Variants in CDC42BPA observed in about 807,000 individuals in gnomAD.
CDC42BPA encodes CDC42 binding protein kinase alpha, also known as serine/threonine-protein kinase MRCK alpha.
A neutral mutation model predicts 223.5 loss-of-function variants in CDC42BPA; 80 were observed. The observed-to-expected ratio is 0.36, with a 90% CI of 0.30 to 0.43. The LOEUF (loss-of-function observed/expected upper bound fraction) is 0.43. CDC42BPA is among the 20% of genes least tolerant of loss of function. The probability of loss-of-function intolerance (pLI) is 1.00; values close to 1 mark genes in which losing one functional copy is unlikely to be tolerated. For synonymous variants in CDC42BPA, 694 were observed against 718.6 expected (o/e 0.97, Z 0.55); for missense variants, 1,743 against 2,099.9 (o/e 0.83, Z 3.32).
At chr1:227,300,791 C>A (rs1323130954) in intron 1 of CDC42BPA, among the ~76,000 whole-genome samples, 1 of 152,178 alleles carries the variant, frequency 6.6e-6, no homozygotes, top group Non-Finnish European at 1.5e-5. Flanking sequence ...ATCCATGTAA[C>A]CAAAAACCTC....
At chr1:227,190,680 C>T (rs1048371862) in intron 5 of CDC42BPA, among the ~76,000 whole-genome samples, 2 of 152,164 alleles carry the variant, frequency 1.3e-5, no homozygotes, top group Non-Finnish European at 2.9e-5. Context: ...ACTTACAATT[C>T]CACATAGTTT....
intron 33 of CDC42BPA, among the ~76,000 whole-genome samples, chr1:227,016,399 G>C (rs1424863384): frequency 1.3e-5 from 2 of 152,100 alleles, no homozygotes; most frequent in Non-Finnish European, 2.9e-5. Context: ...TACGATTTTA[G>C]GTGGAATAGT....
chr1:227,116,719 G>C (rs776030631), intron 12 of CDC42BPA, among the ~76,000 whole-genome samples: 37 of 152,098 alleles, frequency 2.4e-4, no homozygotes, highest in Non-Finnish European at 1.9e-4. Context: ...GGTCCCTTTT[G>C]AACAAATTTT....
intron 21 of CDC42BPA, among the ~76,000 whole-genome samples, chr1:227,055,872 T>C (rs73091744): frequency 0.031 from 4,778 of 151,980 alleles, 222 homozygotes; most frequent in African/African-American, 0.11. Flanking sequence ...TATATTTCAG[T>C]ATCATTTTAC....
chr1:227,107,666 G>T (rs1396064097), intron 14 of CDC42BPA, among the ~76,000 whole-genome samples: 1 of 152,148 alleles, frequency 6.6e-6, no homozygotes, highest in African/African-American at 2.4e-5. Context: ...ACTTTTCTTT[G>T]TTAGAAGGTG....
At chr1:227,310,794 C>T (rs1693388349) in intron 1 of CDC42BPA, among the ~76,000 whole-genome samples, 1 of 151,256 alleles carries the variant, frequency 6.6e-6, no homozygotes, top group Non-Finnish European at 1.5e-5. Context: ...TCACGCCATT[C>T]TCCCACCTCA....
At chr1:227,032,909 G>A (rs1305555233) in intron 27 of CDC42BPA, among the ~76,000 whole-genome samples, 1 of 152,188 alleles carries the variant, frequency 6.6e-6, no homozygotes. Context: ...ACAGAATAGT[G>A]AAAAATAGTA....
intron 32 of CDC42BPA, among the ~76,000 whole-genome samples, chr1:227,022,223 G>A (rs566130812): frequency 6.6e-6 from 1 of 152,140 alleles, no homozygotes; most frequent in South Asian, 2.1e-4. Context: ...TTTGAGGTCA[G>A]GAGTTCAAGA....
At chr1:227,077,249 C>T (rs896050374) in intron 17 of CDC42BPA, among the ~76,000 whole-genome samples, 1 of 152,118 alleles carries the variant, frequency 6.6e-6, no homozygotes, top group Non-Finnish European at 1.5e-5. Flanking sequence ...TGTTATCCCA[C>T]TTATAAAATG....
rs1279675226 is a variant in CDC42BPA at position 227,025,193 on chromosome 1, A to G, written c.4530+862T>C. Among the ~76,000 whole-genome samples the G allele has an allele frequency of 9.9e-5, 15 of 152,284 alleles. No individual in the cohort carries two copies. In the East Asian group the frequency reaches 2.7e-3, roughly 27 times the overall value. On this transcript the variant is annotated intron_variant, in intron 31 of 36. Transcript: ENST00000366766. ...AGGAGATGGAGGCTGCAGTGAGCTG[A>G]TATCATGTCACTGCACTCCAGGTTG...
chr1:226,996,322 A>G (rs1203865765), intron 35 of CDC42BPA, among the ~76,000 whole-genome samples: 3 of 152,202 alleles, frequency 2.0e-5, no homozygotes, highest in Non-Finnish European at 4.4e-5. Flanking sequence ...TGATTTTGTA[A>G]CCTGAGACTT....
intron 4 of CDC42BPA, among the ~76,000 whole-genome samples, chr1:227,197,562 A>G (rs532110015): frequency 4.5e-4 from 68 of 152,276 alleles, no homozygotes; most frequent in African/African-American, 1.6e-3. Flanking sequence ...AAACTAAACA[A>G]GAGGAGAGAG....
At chr1:227,134,982 T>C (rs1658193110) in intron 10 of CDC42BPA, among the ~76,000 whole-genome samples, 1 of 152,216 alleles carries the variant, frequency 6.6e-6, no homozygotes. Flanking sequence ...CTTTGGTTTA[T>C]TTTACTTAGT....
intron 3 of CDC42BPA, among the ~76,000 whole-genome samples, chr1:227,211,427 A>C (rs373467203): frequency 3.3e-5 from 5 of 152,168 alleles, no homozygotes; most frequent in African/African-American, 1.2e-4. Flanking sequence ...AAAAATCATT[A>C]TATCAAAAAG....
chr1:227,305,587 C>A (rs994501613), intron 1 of CDC42BPA, among the ~76,000 whole-genome samples: 2 of 152,164 alleles, frequency 1.3e-5, no homozygotes, highest in Non-Finnish European at 2.9e-5. Flanking sequence ...TCTCTTTCAA[C>A]GAAGTTCATA....
chr1:227,256,581 A>G (rs989636865), intron 1 of CDC42BPA, among the ~76,000 whole-genome samples: 2 of 152,130 alleles, frequency 1.3e-5, no homozygotes, highest in Admixed American at 6.6e-5. Flanking sequence ...CAAAACCACA[A>G]TGAGATACCA....
Position 227,317,222 on chromosome 1 carries a change from T to C in CDC42BPA, c.-40A>G, listed in dbSNP as rs936335954. On this transcript the variant is annotated 5_prime_UTR_variant, in exon 1 of 37. Transcript: ENST00000366766. ...CTGCTGGTTTTCCTTTAAATTATTA[T>C]GATGACTTTTACTATTATCTGAACC... 2.4e-5 allele frequency: 38 copies of C among 1,577,328 alleles called. No homozygotes were observed. The East Asian group carries it at 6.5e-4, about 27-fold the overall frequency.
At chr1:227,003,720 A>T (rs1281533765) in intron 35 of CDC42BPA, among the ~76,000 whole-genome samples, 2 of 152,172 alleles carry the variant, frequency 1.3e-5, no homozygotes, top group Non-Finnish European at 2.9e-5. Flanking sequence ...GCTGAACCTA[A>T]GTGCACCATG....
At chr1:227,060,020 G>GGTT (rs1553317949) in intron 21 of CDC42BPA, among the ~76,000 whole-genome samples, 1 of 94,180 alleles carries the variant, frequency 1.1e-5, no homozygotes, top group African/African-American at 4.9e-5. Flanking sequence ...ATCTCAAAAA[G>GGTT]TTTTTTTTTG....
Sources: allele counts gnomAD v4.1 joint callset (sites outside exome capture counted in the v4.1 genomes callset), GRCh38; gene constraint gnomAD v4.1.1; transcripts MANE v1.5; gene names NCBI Gene and HGNC (gene_info 2026-07-23, HGNC 2026-07-21).